Variants in USP13 observed in about 807,000 individuals in gnomAD.
USP13 encodes ubiquitin specific peptidase 13.
Under a neutral mutation model 107.8 loss-of-function variants are expected in USP13, and 68 were observed. That is an observed-to-expected ratio of 0.63 (90% CI 0.52 to 0.77). The LOEUF (loss-of-function observed/expected upper bound fraction) is 0.77. Ranked by LOEUF, USP13 falls within the 30% of genes least tolerant of loss-of-function variation. USP13 has a pLI of 0.00. For synonymous variants in USP13, 377 were observed against 389.5 expected (o/e 0.97, Z 0.38); for missense variants, 945 against 1,093.3 (o/e 0.86, Z 1.91).
Position 179,653,424 on chromosome 3 carries a change from G to C in USP13, c.168+31G>C. 1 of 1,541,460 alleles carries C rather than the reference G, an allele frequency of 6.5e-7. No homozygotes were observed. Among genetic ancestry groups the C allele is most frequent in the Non-Finnish European group, 8.8e-7 (1 of 1,140,774 alleles). ...TGAGGCGCCTCGGGGGAGGGTCGCGGGGCCGGCGGCCTGCGGCACGTGAAG... is the reference window on the plus strand; with the variant it reads ...TGAGGCGCCTCGGGGGAGGGTCGCGCGGCCGGCGGCCTGCGGCACGTGAAG... On this transcript the variant is annotated intron_variant, in intron 1 of 20. Transcript: ENST00000263966. This position sits in a 1 kb window ranked among gnomAD's most constrained non-coding sequence, Gnocchi z 4.0.
intron 8 of USP13, among the ~76,000 whole-genome samples, chr3:179,722,097 C>A (rs1212517348): frequency 1.3e-5 from 2 of 150,524 alleles, no homozygotes; most frequent in Non-Finnish European, 3.0e-5. Flanking sequence ...TTCGTAAACT[C>A]AAAAACACCA....
At chr3:179,703,411 T>G (rs188912332) in intron 4 of USP13, among the ~76,000 whole-genome samples, 1 of 152,298 alleles carries the variant, frequency 6.6e-6, no homozygotes, top group East Asian at 1.9e-4. Context: ...AGAATTTCAT[T>G]TTCAGAGAGT....
intron 19 of USP13, among the ~76,000 whole-genome samples, chr3:179,778,366 C>T (rs1715618471): frequency 6.6e-6 from 1 of 152,212 alleles, no homozygotes; most frequent in South Asian, 2.1e-4. Context: ...GCACTGTTCT[C>T]TGTGCCTGAA....
At chr3:179,778,520 T>A (rs1715623602) in intron 19 of USP13, among the ~76,000 whole-genome samples, 1 of 152,134 alleles carries the variant, frequency 6.6e-6, no homozygotes, top group Non-Finnish European at 1.5e-5. Flanking sequence ...TCCCAGCACT[T>A]TGGGAGGCCG....
intron 19 of USP13, among the ~76,000 whole-genome samples, chr3:179,778,363 T>C (rs189156901): frequency 1.3e-5 from 2 of 152,364 alleles, no homozygotes; most frequent in Admixed American, 1.3e-4. Context: ...AAAGCACTGT[T>C]CTCTGTGCCT....
chr3:179,659,140 C>G (rs1445901986), intron 1 of USP13, among the ~76,000 whole-genome samples: 1 of 152,082 alleles, frequency 6.6e-6, no homozygotes, highest in Non-Finnish European at 1.5e-5. Context: ...TCTTTGTCTT[C>G]CTGGGAGTCT....
At chr3:179,773,276 G>A (rs772636214) in intron 19 of USP13, among the ~76,000 whole-genome samples, 13 of 152,280 alleles carry the variant, frequency 8.5e-5, no homozygotes, top group Non-Finnish European at 1.6e-4. Flanking sequence ...TTAGAGATAG[G>A]CAATGACACA....
At chr3:179,740,806 G>GC (rs1714166299) in intron 11 of USP13, among the ~76,000 whole-genome samples, 1 of 149,218 alleles carries the variant, frequency 6.7e-6, no homozygotes, top group African/African-American at 2.5e-5. Flanking sequence ...TAGCTCTGTT[G>GC]CCCAGGCTAG....
intron 12 of USP13, 113 bp from the exon 13 acceptor site, chr3:179,744,930 A>G: frequency 7.5e-7 from 1 of 1,335,616 alleles, no homozygotes; most frequent in African/African-American, 1.5e-5. Flanking sequence ...GGCGACAAAT[A>G]AGCAACTCTG....
intron 16 of USP13, among the ~76,000 whole-genome samples, chr3:179,759,937 G>A (rs1714944410): frequency 6.6e-6 from 1 of 152,180 alleles, no homozygotes; most frequent in Non-Finnish European, 1.5e-5. Flanking sequence ...CTCCCAAAGA[G>A]CTGGGATTAC....
At chr3:179,708,367 C>T (rs1450803515) in intron 5 of USP13, among the ~76,000 whole-genome samples, 2 of 151,446 alleles carry the variant, frequency 1.3e-5, no homozygotes, top group African/African-American at 2.4e-5. Context: ...AGTGCAGTGG[C>T]ACAATCTCGG....
At chr3:179,761,756 A>C (rs769325958) in intron 17 of USP13, among the ~76,000 whole-genome samples, 18 of 151,856 alleles carry the variant, frequency 1.2e-4, no homozygotes, top group East Asian at 1.9e-4. Context: ...AACAAAAAAA[A>C]CCCCAAACAG....
Position 179,744,929 on chromosome 3 carries a change from T to C in USP13, c.1535-114T>C, listed in dbSNP as rs1010344466. 5 of 1,330,974 alleles carry C rather than the reference T, an allele frequency of 3.8e-6. No homozygotes were observed. In the South Asian group the frequency reaches 4.4e-5, roughly 12 times the overall value. The allele number at this position is 1,330,974 out of a possible 1,614,324, so 82.4% of individuals were successfully genotyped here. A position where few individuals can be genotyped will look rare whatever the true frequency, so the allele number is the denominator to read the frequency against. On this transcript the variant is annotated intron_variant, in intron 12 of 20. Coordinates refer to ENST00000263966, the MANE Select transcript of USP13 (RefSeq NM_003940.3). ...ATCTGGCTCTGTAAAGGGCGACAAA[T>C]AAGCAACTCTGGCCCAGCGCAGAAG... is the stretch of plus-strand genomic sequence containing the variant.
At chr3:179,746,181 A>T (rs1714399096) in intron 13 of USP13, among the ~76,000 whole-genome samples, 1 of 147,660 alleles carries the variant, frequency 6.8e-6, no homozygotes, top group South Asian at 2.1e-4. Flanking sequence ...TTCAACCTAT[A>T]TATATATATA....
chr3:179,743,305 AACCGCCACGGC>A (rs1317924937), intron 12 of USP13, among the ~76,000 whole-genome samples: 4 of 152,102 alleles, frequency 2.6e-5, no homozygotes, highest in African/African-American at 9.7e-5. Flanking sequence ...AGGTGCAGCA[AACCGCCACGGC>A]ACACATATAC....
chr3:179,767,486 A>G (rs562852139), intron 19 of USP13, among the ~76,000 whole-genome samples: 1 of 149,820 alleles, frequency 6.7e-6, no homozygotes, highest in African/African-American at 2.5e-5. Context: ...GTGCAGTGGC[A>G]CGATCTTGGC....
intron 17 of USP13, among the ~76,000 whole-genome samples, chr3:179,763,354 A>G (rs553145101): frequency 2.0e-5 from 3 of 152,286 alleles, no homozygotes; most frequent in Admixed American, 6.5e-5. Flanking sequence ...TTTAGCTCCT[A>G]TATTTAGGTC....
At chr3:179,776,858 G>GTTTTT (rs71628094) in intron 19 of USP13, among the ~76,000 whole-genome samples, 26 of 78,274 alleles carry the variant, frequency 3.3e-4, no homozygotes, top group African/African-American at 1.0e-3. Flanking sequence ...TAGAGTGCTG[G>GTTTTT]TTTTTTTTTT....
At chr3:179,726,374 A>T (rs1330101432) in intron 8 of USP13, among the ~76,000 whole-genome samples, 10 of 152,284 alleles carry the variant, frequency 6.6e-5, no homozygotes, top group African/African-American at 2.4e-4. Flanking sequence ...GGAGAAAGGG[A>T]TCTGCTTTTG....
Sources: allele counts gnomAD v4.1 joint callset (sites outside exome capture counted in the v4.1 genomes callset), GRCh38; gene constraint gnomAD v4.1.1; non-coding constraint Gnocchi (gnomAD v3.1); transcripts MANE v1.5; gene names NCBI Gene and HGNC (gene_info 2026-07-23, HGNC 2026-07-21).